The following KDM1B variants were observed in gnomAD, a reference collection of about 807,000 sequenced individuals.
The protein encoded by KDM1B is lysine demethylase 1B.
Under a neutral mutation model 107.4 loss-of-function variants are expected in KDM1B, and 63 were observed. The ratio of observed to expected loss-of-function variants is 0.59; its 90% CI spans 0.48 to 0.72. The LOEUF (loss-of-function observed/expected upper bound fraction) is 0.72, where lower values mean the gene tolerates loss of function less well. Among genes scored for constraint, KDM1B ranks in the 30% least tolerant of loss-of-function variants. KDM1B has a pLI of 0.00. For synonymous variants in KDM1B, 363 were observed against 363.9 expected (o/e 1.00, Z 0.03); for missense variants, 749 against 1,020.8 (o/e 0.73, Z 3.63).
intron 9 of KDM1B, among the ~76,000 whole-genome samples, chr6:18,189,080 G>A (rs531059683): frequency 2.0e-5 from 3 of 152,082 alleles, no homozygotes; most frequent in Admixed American, 6.6e-5. Context: ...CAGTGCACCC[G>A]GCCTGATTAT....
intron 7 of KDM1B, among the ~76,000 whole-genome samples, chr6:18,184,692 C>G (rs2150901414): frequency 6.9e-6 from 1 of 144,476 alleles, no homozygotes; most frequent in East Asian, 2.1e-4. Flanking sequence ...ATTTAAGTGT[C>G]CATTGTACTG....
chr6:18,208,099 C>G, intron 16 of KDM1B, 33 bp from the exon 17 acceptor site: 1 of 1,511,680 alleles, frequency 6.6e-7, no homozygotes, highest in Non-Finnish European at 9.2e-7. Flanking sequence ...TGGTTCCATC[C>G]CTCACTTTTT....
At chr6:18,168,919 T>C (rs1295302951) in intron 6 of KDM1B, among the ~76,000 whole-genome samples, 3 of 152,222 alleles carry the variant, frequency 2.0e-5, no homozygotes, top group Non-Finnish European at 4.4e-5. Context: ...TCACCCAGGC[T>C]GGAGTGCAGT....
intron 7 of KDM1B, among the ~76,000 whole-genome samples, chr6:18,175,615 A>AT (rs1278471442): frequency 6.6e-6 from 1 of 152,088 alleles, no homozygotes; most frequent in African/African-American, 2.4e-5. Flanking sequence ...CAGGTCCTAG[A>AT]TTTGTCCTTA....
chr6:18,176,084 A>G (rs960592199), intron 7 of KDM1B, among the ~76,000 whole-genome samples: 8 of 151,960 alleles, frequency 5.3e-5, no homozygotes, highest in African/African-American at 1.9e-4. Flanking sequence ...CATTGATTCT[A>G]CCCATCCGTG....
intron 5 of KDM1B, 64 bp from the exon 6 acceptor site, chr6:18,166,203 A>G: frequency 1.3e-6 from 1 of 761,624 alleles, no homozygotes; most frequent in Non-Finnish European, 2.3e-6. Flanking sequence ...TCCTGTTTTG[A>G]AAAACCTGAT....
intron 2 of KDM1B, among the ~76,000 whole-genome samples, chr6:18,157,670 A>G (rs1784710154): frequency 6.6e-6 from 1 of 151,080 alleles, no homozygotes; most frequent in African/African-American, 2.4e-5. Context: ...TTATATATAA[A>G]TGAAGAGATT....
chr6:18,212,852 G>A lies in KDM1B; in HGVS notation c.1983+248G>A, dbSNP rs762394884. ...TCTTGTTATTCACAATTTGAATTTG[G>A]TATAAGCAATTCTTTTATCCCCTTT... is the stretch of plus-strand genomic sequence containing the variant. On this transcript the variant is annotated intron_variant, in intron 18 of 21. Coordinates refer to ENST00000650836, the MANE Select transcript of KDM1B (RefSeq NM_001364614.2). This position sits in a 1 kb window ranked among gnomAD's most constrained non-coding sequence, Gnocchi z 5.2. 3.3e-5 allele frequency among the ~76,000 whole-genome samples: 5 copies of A among 152,168 alleles called. No individual in the cohort carries two copies. Among genetic ancestry groups the A allele is most frequent in the Non-Finnish European group, 5.9e-5 (4 of 68,028 alleles).
At position 18,162,735 on chromosome 6, in the gene KDM1B, C is replaced by A; in HGVS notation, c.216-100C>A. ...CTTAAGGGGCTAAGTGGAGATAATG[C>A]AAAATGGGTTCATAGATGGTGCTTG... is the stretch of plus-strand genomic sequence containing the variant. On this transcript the variant is annotated intron_variant, in intron 4 of 21. Transcript: ENST00000650836. This position sits in a 1 kb window ranked among gnomAD's most constrained non-coding sequence, Gnocchi z 4.1. 1.4e-6 allele frequency: 1 copy of A among 691,332 alleles called. No individual in the cohort carries two copies. The highest frequency in any genetic ancestry group is 2.6e-6 in the Non-Finnish European group (1 of 380,986). The allele number at this position is 691,332 out of a possible 1,614,324, so 42.8% of individuals were successfully genotyped here. A position where few individuals can be genotyped will look rare whatever the true frequency, so the allele number is the denominator to read the frequency against.
At chr6:18,194,093 C>G (rs775818225) in intron 10 of KDM1B, among the ~76,000 whole-genome samples, 2 of 151,990 alleles carry the variant, frequency 1.3e-5, no homozygotes, top group African/African-American at 4.8e-5. Flanking sequence ...CCAGGCTGGT[C>G]TCTTAACTCC....
chr6:18,161,660 G>C (rs1394251980), intron 4 of KDM1B, among the ~76,000 whole-genome samples: 3 of 152,012 alleles, frequency 2.0e-5, no homozygotes. Context: ...ACTGGGAGAG[G>C]CCACACCCAT....
At chr6:18,175,748 T>A (rs1226496249) in intron 7 of KDM1B, among the ~76,000 whole-genome samples, 1 of 152,198 alleles carries the variant, frequency 6.6e-6, no homozygotes, top group Admixed American at 6.5e-5. Context: ...TTTATGTTTT[T>A]GTTTGCTTTG....
At chr6:18,210,587 G>A (rs754630004) in intron 17 of KDM1B, among the ~76,000 whole-genome samples, 50 of 151,672 alleles carry the variant, frequency 3.3e-4, no homozygotes, top group African/African-American at 8.5e-4. Context: ...TCTTGAACTC[G>A]TGGTCTTAAG....
chr6:18,171,992 G>C (rs945691001), intron 7 of KDM1B, among the ~76,000 whole-genome samples: 1 of 152,106 alleles, frequency 6.6e-6, no homozygotes, highest in Non-Finnish European at 1.5e-5. Flanking sequence ...TAATTTTTTT[G>C]CTAGTTTTGG....
intron 12 of KDM1B, among the ~76,000 whole-genome samples, chr6:18,198,143 G>A (rs1217453924): frequency 6.6e-6 from 1 of 151,972 alleles, no homozygotes; most frequent in Non-Finnish European, 1.5e-5. Flanking sequence ...TGATCTGCCT[G>A]CCTTGGTCTC....
rs1306105215 is a variant in KDM1B, at chr6:18,209,870, G to A, written c.1866+1664G>A. Among the ~76,000 whole-genome samples the A allele has an allele frequency of 6.6e-6, 1 of 152,146 alleles. No homozygotes were observed. The highest frequency in any genetic ancestry group is 1.5e-5 in the Non-Finnish European group (1 of 68,030). ...TTTCTGTAAGCTCTTAATAGGTTTT[G>A]CCTGGTGGTAAACAGTGTTTAAAAA... On this transcript the variant is annotated intron_variant, in intron 17 of 21. Coordinates refer to ENST00000650836, the MANE Select transcript of KDM1B (RefSeq NM_001364614.2). The surrounding 1 kb of genome is among the most constrained non-coding windows in gnomAD (Gnocchi z 4.3).
rs200386197 is a variant in KDM1B, at chr6:18,213,355, G to A, written c.1984-301G>A. Among the ~76,000 whole-genome samples the A allele has an allele frequency of 4.0e-5, 6 of 151,338 alleles. No individual in the cohort carries two copies. Among genetic ancestry groups the A allele is most frequent in the African/African-American group, 9.7e-5 (4 of 41,190 alleles). On this transcript the variant is annotated intron_variant, in intron 18 of 21. Transcript: ENST00000650836. The surrounding 1 kb of genome is among the most constrained non-coding windows in gnomAD (Gnocchi z 5.9). ...GGATGCTGAGGCAGGAGAATCACTC[G>A]AAACCGGAAAGTGGAGGCTGCAGTG...
chr6:18,218,653 T>C (rs912986082), intron 21 of KDM1B, among the ~76,000 whole-genome samples: 2 of 152,198 alleles, frequency 1.3e-5, no homozygotes, highest in Non-Finnish European at 2.9e-5. Context: ...TTGGCAATTA[T>C]AATGGCTCCT....
rs760965371 is a variant in KDM1B, at chr6:18,161,448, C to A, written c.209C>A (p.Ser70Tyr). The change falls in exon 4 of 22, where the codon TCT (serine) becomes TAT (tyrosine). Residue 70 changes from serine (S) to tyrosine (Y), a missense_variant. Physicochemically the swap from Ser to Tyr is moderately radical, Grantham distance 144. Transcript: ENST00000650836. Reference sequence around the variant, plus strand: ...TGTCCTGTGTGCTTTGCAAGTGCTTCTGAAAGGTCTGTTTAGATGTGTGTC... The same window carrying A: ...TGTCCTGTGTGCTTTGCAAGTGCTTATGAAAGGTCTGTTTAGATGTGTGTC... ...ATCPVCFASA[S>Y]ERCAKNGYTS... 3.1e-6 allele frequency: 5 copies of A among 1,613,852 alleles called. No homozygotes were observed. Among genetic ancestry groups the A allele is most frequent in the African/African-American group, 1.3e-5 (1 of 74,906 alleles).
Sources: gnomAD v4.1 joint callset for allele counts (sites outside exome capture counted in the v4.1 genomes callset) on GRCh38, gnomAD v4.1.1 for gene constraint, Gnocchi (gnomAD v3.1) non-coding constraint, MANE v1.5 for transcripts, NCBI Gene and HGNC (gene_info 2026-07-23, HGNC 2026-07-21) for gene names.